The following ATP2C1 variants were observed in gnomAD, a reference collection of about 807,000 sequenced individuals.
ATP2C1 encodes ATPase secretory pathway Ca2+ transporting 1.
In ATP2C1, 31 loss-of-function variants were observed where a neutral mutation model predicts 120.5. The observed-to-expected ratio is 0.26, with a 90% CI of 0.19 to 0.35. The LOEUF is 0.35. Among genes scored for constraint, ATP2C1 ranks in the 10% least tolerant of loss-of-function variants. The probability of loss-of-function intolerance (pLI) is 1.00; values close to 1 mark genes in which losing one functional copy is unlikely to be tolerated. For missense variants in ATP2C1, 731 were observed against 1,107.5 expected (o/e 0.66, Z 4.83); for synonymous variants, 351 against 358.7 (o/e 0.98, Z 0.24).
intron 2 of ATP2C1, chr3:130,918,191 G>C (rs1202181598): frequency 9.6e-6 from 11 of 1,148,896 alleles, no homozygotes; most frequent in Non-Finnish European, 1.3e-5. Context: ...GATTCTCAGT[G>C]TGTGATGCTT....
Position 130,942,414 on chromosome 3 carries a change from G to A in ATP2C1, c.531+715G>A, listed in dbSNP as rs750633261. The stretch of plus-strand genomic sequence containing the variant: ...AGAATAGATTGAAGAACTGGAAAAT[G>A]GAGATAGGCACCTAGTTTAACAGGC... On this transcript the variant is annotated intron_variant, in intron 8 of 27. Coordinates refer to ENST00000510168, the MANE Select transcript of ATP2C1 (RefSeq NM_001378687.1). Among the ~76,000 whole-genome samples, 71 of 152,168 alleles carry A rather than the reference G, an allele frequency of 4.7e-4. 1 individual carries two copies. Among genetic ancestry groups the A allele is most frequent in the Non-Finnish European group, 8.8e-5 (6 of 68,032 alleles).
At chr3:130,887,067 G>A (rs1460326104) in intron 1 of ATP2C1, among the ~76,000 whole-genome samples, 3 of 152,202 alleles carry the variant, frequency 2.0e-5, no homozygotes, top group Non-Finnish European at 1.5e-5. Context: ...GTAAGGTTGT[G>A]GTTCTTGTAG....
Position 130,894,177 on chromosome 3 carries a change from C to A in ATP2C1, c.-341C>A, listed in dbSNP as rs1291139018. ...CCTCCCCGCCCGCCCTCTCTCCCTC[C>A]CTTCCTCCCTCCCGCTCGCTTCTTC... is the stretch of plus-strand genomic sequence containing the variant. On this transcript the variant is annotated 5_prime_UTR_variant, in exon 1 of 28. Transcript: ENST00000510168. This position sits in a 1 kb window ranked among gnomAD's most constrained non-coding sequence, Gnocchi z 4.5. 4.1e-6 allele frequency: 4 copies of A among 967,370 alleles called. No homozygotes were observed. In the African/African-American group the frequency reaches 7.0e-5, roughly 17 times the overall value. 59.9% of individuals were successfully genotyped at this position (967,370 alleles called of 1,614,324 possible).
chr3:130,913,314 C>T (rs142651898), intron 2 of ATP2C1, among the ~76,000 whole-genome samples: 1 of 152,062 alleles, frequency 6.6e-6, no homozygotes, highest in East Asian at 1.9e-4. Context: ...GGGTATCCCT[C>T]TCCAGCCTTG....
chr3:130,887,334 C>T (rs911487767), intron 1 of ATP2C1, among the ~76,000 whole-genome samples: 2 of 152,122 alleles, frequency 1.3e-5, no homozygotes, highest in African/African-American at 4.8e-5. Context: ...ACCTGGGTAC[C>T]ACCCATGTTC....
intron 20 of ATP2C1, among the ~76,000 whole-genome samples, chr3:130,984,968 GAAAT>G (rs1576992438): frequency 6.6e-6 from 1 of 152,280 alleles, no homozygotes; most frequent in East Asian, 1.9e-4. Context: ...TATTTATAAA[GAAAT>G]AGGTCATAAG....
intron 26 of ATP2C1, among the ~76,000 whole-genome samples, chr3:131,013,086 T>C (rs1432436153): frequency 6.6e-6 from 1 of 152,174 alleles, no homozygotes; most frequent in Non-Finnish European, 1.5e-5. Flanking sequence ...TGAGTATATT[T>C]TCAGATCTTG....
chr3:130,962,464 C>T (rs1371915918), intron 12 of ATP2C1, among the ~76,000 whole-genome samples: 1 of 151,500 alleles, frequency 6.6e-6, no homozygotes, highest in Non-Finnish European at 1.5e-5. Flanking sequence ...AAATATGTTC[C>T]AAGTTCACCA....
At position 130,965,041 on chromosome 3, in the gene ATP2C1, C is replaced by T. The variant is rs200105766; in HGVS notation, c.1118C>T (p.Ala373Val). ...ATATTTACTTCAGATGGTCTGCATG[C>T]TGAGGTACTCTATAGGTTTTTAAAA... Reference protein sequence around the residue: ...THIFTSDGLHAEVTGVGYNQF... With the variant: ...THIFTSDGLHVEVTGVGYNQF... The change falls in exon 14 of 28, where the codon GCT becomes GTT. Residue 373 changes from alanine to valine, a missense_variant. Ala to Val is a moderately conservative substitution (Grantham distance 64). This residue lies in a region of ATP2C1 where 571 missense variants were observed against 845.9 expected (regional missense o/e 0.67). Transcript: ENST00000510168. The T allele has an allele frequency of 3.7e-6, 6 of 1,604,676 alleles. No homozygotes were observed. In the East Asian group the frequency reaches 1.3e-4, roughly 36 times the overall value.
At chr3:130,902,284 G>GTTT (rs1157956407) in intron 2 of ATP2C1, among the ~76,000 whole-genome samples, 19 of 65,500 alleles carry the variant, frequency 2.9e-4, no homozygotes, top group South Asian at 6.4e-4. Context: ...AAGGCTTCAC[G>GTTT]TTTTTTTTTT....
intron 1 of ATP2C1, among the ~76,000 whole-genome samples, chr3:130,865,665 G>A (rs966747942): frequency 6.6e-6 from 1 of 152,162 alleles, no homozygotes; most frequent in Admixed American, 6.5e-5. Flanking sequence ...AAGGTCTGAT[G>A]GGTTTATCAG....
At chr3:130,959,151 C>G in intron 11 of ATP2C1, 124 bp from the exon 12 acceptor site, 1 of 680,500 alleles carries the variant, frequency 1.5e-6, no homozygotes. Flanking sequence ...ATAAAATCTT[C>G]TAATTGTGAT....
At chr3:130,951,070 GTGCAACTCTGACTGT>G (rs1404243454) in intron 8 of ATP2C1, among the ~76,000 whole-genome samples, 3 of 152,062 alleles carry the variant, frequency 2.0e-5, no homozygotes, top group Non-Finnish European at 4.4e-5. Context: ...GGAAAGTTAC[GTGCAACTCTGACTGT>G]TGTAACAAGC....
At chr3:130,870,156 C>T (rs968404629) in intron 1 of ATP2C1, among the ~76,000 whole-genome samples, 1 of 151,968 alleles carries the variant, frequency 6.6e-6, no homozygotes, top group Non-Finnish European at 1.5e-5. Context: ...ATTTTAAGCC[C>T]ACTGTTGAGA....
Position 130,953,833 on chromosome 3 carries a change from T to C in ATP2C1, c.544T>C (p.Ser182Pro), listed in dbSNP as rs1057524846. 6.2e-7 allele frequency: 1 copy of C among 1,614,064 alleles called. No homozygotes were observed. The highest frequency in any genetic ancestry group is 8.5e-7 in the Non-Finnish European group (1 of 1,179,948). ...DLRLFEAVDL[S>P]IDESSLTGET... is the part of the protein sequence containing the mutation. ...TATGTTCCCTAAGGCTGTGGATCTT[T>C]CCATTGATGAGTCCAGCTTGACAGG... is the stretch of plus-strand genomic sequence containing the variant. Residue 182 changes from serine to proline, a missense_variant, in exon 9 of 28, where the codon TCC becomes CCC. Ser to Pro is a moderately conservative substitution (Grantham distance 74, BLOSUM62 -1). Transcript: ENST00000510168.
At chr3:130,967,889 G>A (rs779453307) in intron 16 of ATP2C1, among the ~76,000 whole-genome samples, 2 of 152,038 alleles carry the variant, frequency 1.3e-5, no homozygotes, top group African/African-American at 4.8e-5. Flanking sequence ...GTTATAATTT[G>A]TTTTGGGGAG....
intron 17 of ATP2C1, among the ~76,000 whole-genome samples, chr3:130,974,709 CAG>C (rs1354512737): frequency 1.7e-4 from 26 of 152,184 alleles, no homozygotes; most frequent in Admixed American, 3.9e-4. Flanking sequence ...TCACAATAGA[CAG>C]TGTATAAAAT....
intron 1 of ATP2C1, among the ~76,000 whole-genome samples, chr3:130,879,293 T>C (rs1576577018): frequency 6.6e-6 from 1 of 152,274 alleles, no homozygotes; most frequent in South Asian, 2.1e-4. Context: ...AGTCTTGAAC[T>C]CCTGACCTCG....
chr3:130,856,751 A>G (rs1240664526), intron 1 of ATP2C1, among the ~76,000 whole-genome samples: 1 of 152,148 alleles, frequency 6.6e-6, no homozygotes, highest in African/African-American at 2.4e-5. Context: ...TCCCTGCTGC[A>G]TGTTGACCTT....
Sources: allele counts gnomAD v4.1 joint callset (sites outside exome capture counted in the v4.1 genomes callset), GRCh38; gene constraint gnomAD v4.1.1; regional missense constraint gnomAD v4.1.1; non-coding constraint Gnocchi (gnomAD v3.1); transcripts MANE v1.5; gene names NCBI Gene and HGNC (gene_info 2026-07-23, HGNC 2026-07-21).